SDCCAG8: variants seen among roughly 807,000 people sequenced by gnomAD.
The protein encoded by SDCCAG8 is serologically defined colon cancer antigen 8.
In SDCCAG8, 74 loss-of-function variants were observed where a neutral mutation model predicts 101.8. The ratio of observed to expected loss-of-function variants is 0.73; its 90% CI spans 0.60 to 0.88. SDCCAG8 has a LOEUF of 0.88. Among genes scored for constraint, SDCCAG8 ranks in the 40% least tolerant of loss-of-function variants. The pLI is 0.00. For missense variants in SDCCAG8, 787 were observed against 822.6 expected (o/e 0.96, Z 0.53); for synonymous variants, 281 against 292.9 (o/e 0.96, Z 0.41).
At chr1:243,397,067 C>T (rs2079073961) in intron 13 of SDCCAG8, among the ~76,000 whole-genome samples, 2 of 152,266 alleles carry the variant, frequency 1.3e-5, no homozygotes, top group Non-Finnish European at 2.9e-5. Context: ...TGGAATCCAA[C>T]AGGAGAGGAG....
chr1:243,263,935 C>G (rs189951433), intron 1 of SDCCAG8, among the ~76,000 whole-genome samples: 38 of 152,242 alleles, frequency 2.5e-4, no homozygotes, highest in African/African-American at 8.9e-4. Context: ...AGGCTGAGGC[C>G]CAGTCAAGTG....
At chr1:243,453,886 T>A (rs11810833) in intron 16 of SDCCAG8, among the ~76,000 whole-genome samples, 1 of 152,118 alleles carries the variant, frequency 6.6e-6, no homozygotes, top group Non-Finnish European at 1.5e-5. Context: ...ACCTGAGACC[T>A]ATATTCTCCA....
intron 17 of SDCCAG8, among the ~76,000 whole-genome samples, chr1:243,493,286 C>T (rs1396464315): frequency 1.3e-5 from 2 of 152,036 alleles, no homozygotes; most frequent in African/African-American, 4.8e-5. Flanking sequence ...TGGGCAGGGC[C>T]TGACAGCTTG....
chr1:243,476,186 A>G, intron 16 of SDCCAG8: 1 of 985,502 alleles, frequency 1.0e-6, no homozygotes, highest in Non-Finnish European at 1.2e-6. Context: ...GGTCGCCTTC[A>G]GTTACCGTGG....
chr1:243,278,374 C>T (rs1048131302), intron 4 of SDCCAG8, among the ~76,000 whole-genome samples: 1 of 152,114 alleles, frequency 6.6e-6, no homozygotes, highest in African/African-American at 2.4e-5. Flanking sequence ...GTGTGTGCCA[C>T]CACACCTGGC....
rs983888631 is a variant in SDCCAG8, at chr1:243,476,291, G to A, written c.1986-12723G>A. The A allele has an allele frequency of 1.0e-5, 10 of 985,428 alleles. No individual in the cohort carries two copies. The East Asian group carries it at 1.1e-3, about 112-fold the overall frequency. 61.0% of individuals were successfully genotyped at this position (985,428 alleles called of 1,614,324 possible). The stretch of plus-strand genomic sequence containing the variant: ...TAAATAAAAAGCTTTCAGCATTGAC[G>A]GTTCCGTAGCGGACGGCCAGGAGTT... On this transcript the variant is annotated intron_variant, in intron 16 of 17. Coordinates refer to ENST00000366541, the MANE Select transcript of SDCCAG8 (RefSeq NM_006642.5).
At chr1:243,488,953 C>T (rs1252401331) in intron 16 of SDCCAG8, 61 bp from the exon 17 acceptor site, 8 of 1,611,942 alleles carry the variant, frequency 5.0e-6, no homozygotes, top group South Asian at 1.1e-5. Flanking sequence ...ACACACAGCC[C>T]CTGGGCCTGT....
chr1:243,270,014 A>G, intron 1 of SDCCAG8, 91 bp from the exon 2 acceptor site: 1 of 1,564,396 alleles, frequency 6.4e-7, no homozygotes, highest in Non-Finnish European at 8.8e-7. Context: ...AGAAATAATG[A>G]TTTCACCTTT....
At position 243,478,847 on chromosome 1, in the gene SDCCAG8, A is replaced by G. The variant is rs150409753; in HGVS notation, c.1986-10167A>G. Among the ~76,000 whole-genome samples, 276 of 151,182 alleles carry G rather than the reference A, an allele frequency of 1.8e-3. 1 individual carries two copies. Among genetic ancestry groups the G allele is most frequent in the African/African-American group, 6.4e-3 (262 of 40,972 alleles). On this transcript the variant is annotated intron_variant, in intron 16 of 17. Coordinates refer to ENST00000366541, the MANE Select transcript of SDCCAG8 (RefSeq NM_006642.5). Reference sequence around the variant, plus strand: ...GTGGTGTGTGCCTGTAGTCCCAGCTACTCGGGAGGCTGAGGCAGGAGAATC... The same window carrying G: ...GTGGTGTGTGCCTGTAGTCCCAGCTGCTCGGGAGGCTGAGGCAGGAGAATC...
intron 15 of SDCCAG8, among the ~76,000 whole-genome samples, chr1:243,421,677 G>C (rs1195371777): frequency 1.3e-5 from 2 of 152,154 alleles, no homozygotes; most frequent in African/African-American, 4.8e-5. Context: ...TGTATAGCTT[G>C]TTTTTGACCA....
intron 13 of SDCCAG8, among the ~76,000 whole-genome samples, chr1:243,385,699 GTGGCTCATGCCTGTAA>G (rs1240188466): frequency 2.2e-4 from 34 of 152,320 alleles, no homozygotes; most frequent in African/African-American, 7.9e-4. Context: ...GCCGGGCACG[GTGGCTCATGCCTGTAA>G]TCCCAGCACT....
At chr1:243,329,361 G>C (rs1175622785) in intron 9 of SDCCAG8, among the ~76,000 whole-genome samples, 1 of 152,144 alleles carries the variant, frequency 6.6e-6, no homozygotes, top group Non-Finnish European at 1.5e-5. Context: ...ATGCTTTCCA[G>C]ATGAAGAGAG....
chr1:243,323,056 A>C (rs548505458), intron 9 of SDCCAG8, among the ~76,000 whole-genome samples: 27 of 150,718 alleles, frequency 1.8e-4, no homozygotes, highest in African/African-American at 6.3e-4. Flanking sequence ...AATTGCTTGA[A>C]CCCGGGAGGC....
intron 4 of SDCCAG8, among the ~76,000 whole-genome samples, chr1:243,276,671 C>T (rs1393980278): frequency 6.6e-6 from 1 of 152,134 alleles, no homozygotes. Context: ...TCTCAGTTTG[C>T]ATTAGCTTTG....
intron 5 of SDCCAG8, among the ~76,000 whole-genome samples, chr1:243,290,129 G>GT (rs1332131355): frequency 6.6e-6 from 1 of 151,950 alleles, no homozygotes; most frequent in South Asian, 2.1e-4. Context: ...AGATCCAGGA[G>GT]TTTTTTCTTA....
At position 243,383,954 on chromosome 1, in the gene SDCCAG8, T is replaced by C. The variant is rs546201615; in HGVS notation, c.1616+5091T>C. On this transcript the variant is annotated intron_variant, in intron 13 of 17. Transcript: ENST00000366541. ...TCTCTAGCTCTATTATAATCTTACC[T>C]TCTTACCAAGGTCTCCCTGAAATCC... Among the ~76,000 whole-genome samples the C allele has an allele frequency of 3.9e-5, 6 of 152,278 alleles. No individual in the cohort carries two copies. In the South Asian group the frequency reaches 1.2e-3, roughly 32 times the overall value.
intron 10 of SDCCAG8, among the ~76,000 whole-genome samples, chr1:243,340,266 G>T (rs528817571): frequency 1.3e-5 from 2 of 152,346 alleles, no homozygotes; most frequent in South Asian, 4.1e-4. Flanking sequence ...TACTGAGATT[G>T]TAGGAGCACA....
intron 12 of SDCCAG8, among the ~76,000 whole-genome samples, chr1:243,345,577 T>A (rs970393056): frequency 1.3e-5 from 2 of 152,220 alleles, no homozygotes; most frequent in African/African-American, 2.4e-5. Context: ...TGTAATTTTT[T>A]AAAAAGGAAT....
At chr1:243,264,643 A>G (rs1389736175) in intron 1 of SDCCAG8, among the ~76,000 whole-genome samples, 3 of 152,156 alleles carry the variant, frequency 2.0e-5, no homozygotes, top group Non-Finnish European at 4.4e-5. Flanking sequence ...GAAAATGGAC[A>G]AGACAGACTG....
Sources: allele counts gnomAD v4.1 joint callset (sites outside exome capture counted in the v4.1 genomes callset), GRCh38; gene constraint gnomAD v4.1.1; transcripts MANE v1.5; gene names NCBI Gene and HGNC (gene_info 2026-07-23, HGNC 2026-07-21).